The following TOGARAM2 variants were observed in gnomAD, a reference collection of about 807,000 sequenced individuals.
TOGARAM2 encodes TOG array regulator of axonemal microtubules 2, also known as TOG array regulator of axonemal microtubules protein 2.
In TOGARAM2, 85 loss-of-function variants were observed where a neutral mutation model predicts 93.3. The ratio of observed to expected loss-of-function variants is 0.91; its 90% CI spans 0.76 to 1.09. The LOEUF is 1.09. TOGARAM2 is among the 50% of genes least tolerant of loss of function. The probability of loss-of-function intolerance (pLI) is 0.00; values close to 1 mark genes in which losing one functional copy is unlikely to be tolerated. For missense variants in TOGARAM2, 1,277 were observed against 1,334.5 expected, an observed-to-expected ratio of 0.96 and a Z score of 0.67; for synonymous variants, 593 against 552.8, an observed-to-expected ratio of 1.07 and a Z score of -1.02.
At chr2:28,994,972 G>A (rs1672922981) in intron 2 of TOGARAM2, 110 bp downstream of exon 2, 1 of 1,311,856 alleles carries the variant, frequency 7.6e-7, no homozygotes, top group Non-Finnish European at 1.1e-6. Flanking sequence ...AGGGCTGCTG[G>A]GAGATAACAG....
At chr2:29,030,195 G>A (rs1665681652) in intron 14 of TOGARAM2, among the ~76,000 whole-genome samples, 1 of 152,186 alleles carries the variant, frequency 6.6e-6, no homozygotes, top group African/African-American at 2.4e-5. Flanking sequence ...AGGATCGCTT[G>A]AGGCCAGGAG....
Position 29,045,356 on chromosome 2 carries a change from C to A in TOGARAM2, c.2668C>A (p.Arg890=), listed in dbSNP as rs144824859. The change falls in exon 19 of 20, where the codon CGA becomes AGA. Residue 890 remains arginine (R), a synonymous_variant. Transcript: ENST00000379558. Reference sequence around the variant, plus strand: ...TTGCCTTCTACCAGCGCTTGCTGGGCGAGTGCGTTTCCTGAGTGGCCGTGC... The same window carrying A: ...TTGCCTTCTACCAGCGCTTGCTGGGAGAGTGCGTTTCCTGAGTGGCCGTGC... ...NLCLLPALAG[R]VRFLSGRAVL... is the part of the protein sequence containing the mutation. The A allele has an allele frequency of 6.2e-7, 1 of 1,613,702 alleles. No homozygotes were observed. The highest frequency in any genetic ancestry group is 8.5e-7 in the Non-Finnish European group (1 of 1,179,864).
chr2:28,982,742 G>T (rs1420172549), intron 1 of TOGARAM2, among the ~76,000 whole-genome samples: 1 of 152,224 alleles, frequency 6.6e-6, no homozygotes, highest in Non-Finnish European at 1.5e-5. Flanking sequence ...GAGGCTGGAA[G>T]TTTATTATTG....
upstream of TOGARAM2, among the ~76,000 whole-genome samples, chr2:28,978,242 G>A (rs1216273966): frequency 2.0e-5 from 3 of 152,048 alleles, no homozygotes; most frequent in Non-Finnish European, 4.4e-5. Flanking sequence ...GAAGGGATAT[G>A]GGAAAGGCTT....
chr2:28,992,031 G>C (rs1672757818), intron 1 of TOGARAM2, among the ~76,000 whole-genome samples: 1 of 152,166 alleles, frequency 6.6e-6, no homozygotes, highest in African/African-American at 2.4e-5. Context: ...TGGGTCAGGG[G>C]CTGGCTGTTC....
intron 1 of TOGARAM2, among the ~76,000 whole-genome samples, chr2:28,968,883 GA>G (rs11316619): frequency 0.47 from 70,076 of 148,956 alleles, 17,594 homozygotes; most frequent in Middle Eastern, 0.58. Context: ...GCTTCTGAGT[GA>G]AGTACTCCCC....
At chr2:28,983,198 A>ATATATATAT (rs1196223294) in intron 1 of TOGARAM2, among the ~76,000 whole-genome samples, 1 of 56,626 alleles carries the variant, frequency 1.8e-5, no homozygotes, top group African/African-American at 8.3e-5. Flanking sequence ...ATATATATAT[A>ATATATATAT]TTTTTTTTTT....
intron 1 of TOGARAM2, among the ~76,000 whole-genome samples, chr2:28,976,171 C>G (rs552284690): frequency 6.6e-6 from 1 of 152,140 alleles, no homozygotes; most frequent in Non-Finnish European, 1.5e-5. Context: ...GAGATCGAGA[C>G]CATCCTGGCT....
intron 1 of TOGARAM2, among the ~76,000 whole-genome samples, chr2:28,971,850 G>A (rs1285037527): frequency 1.3e-5 from 2 of 152,156 alleles, no homozygotes; most frequent in African/African-American, 4.8e-5. Flanking sequence ...CTGTGCTCAA[G>A]TTCTGGGCTA....
intron 6 of TOGARAM2, among the ~76,000 whole-genome samples, chr2:29,004,790 CTG>C (rs1218841881): frequency 1.4e-5 from 2 of 147,082 alleles, no homozygotes; most frequent in Non-Finnish European, 3.0e-5. Context: ...GAGTATGTGT[CTG>C]AGTGTGTCTG....
At chr2:29,010,109 C>T (rs1035568885) in intron 6 of TOGARAM2, among the ~76,000 whole-genome samples, 6 of 151,930 alleles carry the variant, frequency 3.9e-5, no homozygotes, top group Admixed American at 1.3e-4. Flanking sequence ...GGGGCAAAGC[C>T]GAGGCATAAG....
intron 18 of TOGARAM2, among the ~76,000 whole-genome samples, chr2:29,040,693 A>G (rs1469314760): frequency 6.6e-6 from 1 of 152,216 alleles, no homozygotes; most frequent in Non-Finnish European, 1.5e-5. Flanking sequence ...GCCAGGTGGA[A>G]GGTGTTAAGT....
chr2:28,975,215 G>A (rs988101538), intron 1 of TOGARAM2, among the ~76,000 whole-genome samples: 10 of 151,514 alleles, frequency 6.6e-5, no homozygotes, highest in Admixed American at 6.6e-5. Context: ...TTGAGACAGA[G>A]TCTCACTCTG....
rs570135994 is a variant in TOGARAM2 at position 29,035,517 on chromosome 2, G to A, written c.2279G>A (p.Arg760His). ...GGGCTGCGCTCCACACTGCAGGGCCGCGGGGAGATGGTGGAGCAGCTACGG... is the reference window on the plus strand; with the variant it reads ...GGGCTGCGCTCCACACTGCAGGGCCACGGGGAGATGGTGGAGCAGCTACGG... Reference protein sequence around the residue: ...LVGLRSTLQGRGEMVEQLREL... With the variant: ...LVGLRSTLQGHGEMVEQLREL... Residue 760 changes from arginine to histidine, a missense_variant, in exon 17 of 20, where the codon CGC (arginine) becomes CAC (histidine). Transcript: ENST00000379558. 17 of 1,555,726 alleles carry A rather than the reference G, an allele frequency of 1.1e-5. No individual in the cohort carries two copies. In the African/African-American group the frequency reaches 1.4e-4, roughly 12 times the overall value.
chr2:28,999,483 C>A lies in TOGARAM2; in HGVS notation c.427+15C>A. On this transcript the variant is annotated intron_variant, in intron 4 of 19. Coordinates refer to ENST00000379558, the MANE Select transcript of TOGARAM2 (RefSeq NM_199280.4). ...GTCTTCCCGAGGTGAGCACTGGCCC[C>A]TGCCCACCCCTCACCCACCCACTTC... 4 of 1,573,064 alleles carry A rather than the reference C, an allele frequency of 2.5e-6. No homozygotes were observed. Among genetic ancestry groups the A allele is most frequent in the Middle Eastern group, 1.7e-4 (1 of 5,850 alleles).
chr2:29,002,618 G>A lies in TOGARAM2; in HGVS notation c.510G>A (p.Arg170=). The A allele has an allele frequency of 2.5e-6, 4 of 1,613,910 alleles. No homozygotes were observed. Among genetic ancestry groups the A allele is most frequent in the Non-Finnish European group, 2.5e-6 (3 of 1,179,876 alleles). ...IPRATSQRLL[R]VPRPMPLIQS... ...GAGCCACCTCTCAGAGGCTGCTGAG[G>A]GTGCCCAGGCCGATGCCTCTCATCC... The change falls in exon 5 of 20, where the codon AGG becomes AGA. Residue 170 remains arginine, a synonymous_variant. Transcript: ENST00000379558.
intron 14 of TOGARAM2, among the ~76,000 whole-genome samples, chr2:29,029,704 C>T (rs927683939): frequency 6.1e-5 from 9 of 148,138 alleles, no homozygotes; most frequent in South Asian, 4.5e-4. Context: ...TGCAGTGAAC[C>T]GAGATCGCGC....
In TOGARAM2 at chr2:29,036,690, C is replaced by G. The variant is rs770260391; in HGVS notation, c.2568C>G (p.Leu856=). Residue 856 remains leucine, a synonymous_variant, in exon 18 of 20, where the codon CTC becomes CTG. Transcript: ENST00000379558. ...TCATCATCACTGTTGCAGACAACCTCAACTCCAAGAACTCAGGGATTTACG... is the reference window on the plus strand; with the variant it reads ...TCATCATCACTGTTGCAGACAACCTGAACTCCAAGAACTCAGGGATTTACG... The part of the protein sequence containing the change: ...LSIIITVADN[L]NSKNSGIYAA... 4.3e-6 allele frequency: 7 copies of G among 1,614,014 alleles called. 1 individual carries two copies. In the South Asian group the frequency reaches 7.7e-5, roughly 18 times the overall value.
chr2:29,025,109 G>A (rs1239461888), intron 13 of TOGARAM2, among the ~76,000 whole-genome samples: 1 of 152,166 alleles, frequency 6.6e-6, no homozygotes. Flanking sequence ...GGGGCCTGTT[G>A]GACCAGCTGG....
Sources: gnomAD v4.1 joint callset for allele counts (sites outside exome capture counted in the v4.1 genomes callset) on GRCh38, gnomAD v4.1.1 for gene constraint, MANE v1.5 for transcripts, NCBI Gene and HGNC (gene_info 2026-07-23, HGNC 2026-07-21) for gene names.